The following GRXCR1 variants were observed in gnomAD, a reference collection of about 807,000 sequenced individuals.
GRXCR1 encodes glutaredoxin domain-containing cysteine-rich protein 1.
In GRXCR1, 27 loss-of-function variants were observed where a neutral mutation model predicts 27.3. The ratio of observed to expected loss-of-function variants is 0.99; its 90% CI spans 0.73 to 1.37. The LOEUF (loss-of-function observed/expected upper bound fraction) is 1.37, where lower values mean the gene tolerates loss of function less well. GRXCR1 is among the 40% of genes most tolerant of loss of function. The pLI, the probability that GRXCR1 is intolerant of heterozygous loss-of-function variation, is 0.00. For synonymous variants in GRXCR1, 122 were observed against 131.1 expected, an observed-to-expected ratio of 0.93 and a Z score of 0.47; for missense variants, 379 against 354.4, an observed-to-expected ratio of 1.07 and a Z score of -0.56.
At chr4:43,005,047 C>T (rs900178466) in intron 2 of GRXCR1, among the ~76,000 whole-genome samples, 2 of 152,052 alleles carry the variant, frequency 1.3e-5, no homozygotes, top group Non-Finnish European at 2.9e-5. Flanking sequence ...TGGTGGGAGG[C>T]AATTGGATCA....
At chr4:42,980,960 G>GTTTT (rs71201822) in intron 2 of GRXCR1, among the ~76,000 whole-genome samples, 1 of 143,554 alleles carries the variant, frequency 7.0e-6, no homozygotes. Flanking sequence ...TTTTTTTTGT[G>GTTTT]TTTTTTTTTT....
rs146217766 is a variant in GRXCR1, at chr4:42,962,554, G to A, written c.385-338G>A. The stretch of plus-strand genomic sequence containing the variant: ...ACTTTAGGTTTATGAAACAGATATC[G>A]TAATTGAGCAATGTCTATGAAACAT... On this transcript the variant is annotated intron_variant, in intron 1 of 3. Transcript: ENST00000399770. Among the ~76,000 whole-genome samples, 216 of 151,990 alleles carry A rather than the reference G, an allele frequency of 1.4e-3. 1 individual carries two copies. The highest frequency in any genetic ancestry group is 5.0e-3 in the African/African-American group (207 of 41,494).
chr4:42,896,793 AAATG>A (rs1233306256), intron 1 of GRXCR1, among the ~76,000 whole-genome samples: 2 of 152,286 alleles, frequency 1.3e-5, no homozygotes, highest in African/African-American at 4.8e-5. Flanking sequence ...TTAATAAAGA[AAATG>A]AATGAGATAT....
intron 1 of GRXCR1, among the ~76,000 whole-genome samples, chr4:42,934,369 A>T (rs1406768514): frequency 6.6e-6 from 1 of 151,714 alleles, no homozygotes; most frequent in African/African-American, 2.4e-5. Context: ...TAATAAGAAA[A>T]TAGAAATTCA....
chr4:43,003,249 C>T (rs71610043), intron 2 of GRXCR1, among the ~76,000 whole-genome samples: 8,385 of 152,012 alleles, frequency 0.055, 413 homozygotes, highest in African/African-American at 0.14. Flanking sequence ...CATATGTATA[C>T]GTATGTAACA....
intron 1 of GRXCR1, among the ~76,000 whole-genome samples, chr4:42,920,918 TTCAAG>T (rs1422411410): frequency 2.6e-5 from 2 of 78,316 alleles, no homozygotes; most frequent in Admixed American, 1.1e-4. Context: ...GCGGCTATCA[TTCAAG>T]TTCAAGTTTG....
intron 1 of GRXCR1, among the ~76,000 whole-genome samples, chr4:42,900,890 T>C (rs1746445683): frequency 6.6e-6 from 1 of 152,116 alleles, no homozygotes; most frequent in Non-Finnish European, 1.5e-5. Flanking sequence ...AACTAATCCA[T>C]GCCACAGGGC....
At chr4:43,026,136 A>T (rs781330390) in intron 3 of GRXCR1, among the ~76,000 whole-genome samples, 8 of 152,088 alleles carry the variant, frequency 5.3e-5, no homozygotes, top group Middle Eastern at 3.4e-3. Context: ...TATTCCTCCA[A>T]CTCCAAACTT....
At chr4:42,989,490 A>T (rs1449913644) in intron 2 of GRXCR1, among the ~76,000 whole-genome samples, 1 of 152,194 alleles carries the variant, frequency 6.6e-6, no homozygotes, top group African/African-American at 2.4e-5. Flanking sequence ...ATTTATTTTA[A>T]TTCATACCAG....
chr4:43,005,986 G>T (rs1053888444), intron 2 of GRXCR1, among the ~76,000 whole-genome samples: 1 of 152,210 alleles, frequency 6.6e-6, no homozygotes, highest in African/African-American at 2.4e-5. Flanking sequence ...AATGTGGATT[G>T]TGAAGATTTC....
chr4:42,897,305 T>G (rs1032937300), intron 1 of GRXCR1, among the ~76,000 whole-genome samples: 5 of 152,110 alleles, frequency 3.3e-5, no homozygotes, highest in African/African-American at 1.2e-4. Flanking sequence ...AGACAGCGAT[T>G]TTTTTCTTGA....
intron 2 of GRXCR1, among the ~76,000 whole-genome samples, chr4:42,972,286 T>A (rs765943499): frequency 1.9e-4 from 29 of 152,178 alleles, no homozygotes; most frequent in Non-Finnish European, 3.8e-4. Context: ...CATTAGAAAT[T>A]CCATCAGAGA....
At chr4:42,905,750 A>C (rs1327451357) in intron 1 of GRXCR1, among the ~76,000 whole-genome samples, 2 of 152,178 alleles carry the variant, frequency 1.3e-5, no homozygotes, top group Non-Finnish European at 2.9e-5. Flanking sequence ...AAATTCCAGA[A>C]AATTACCGAT....
intron 1 of GRXCR1, among the ~76,000 whole-genome samples, chr4:42,934,858 A>G (rs1747420680): frequency 6.6e-6 from 1 of 151,978 alleles, no homozygotes; most frequent in Admixed American, 6.6e-5. Context: ...CTTAGCAGCC[A>G]GGACAGAAAT....
chr4:42,934,256 A>ATG (rs1290620532), intron 1 of GRXCR1, among the ~76,000 whole-genome samples: 1 of 148,564 alleles, frequency 6.7e-6, no homozygotes, highest in East Asian at 2.0e-4. Context: ...ATATATATAT[A>ATG]TGTATATATG....
chr4:42,903,514 A>G (rs958861574), intron 1 of GRXCR1, among the ~76,000 whole-genome samples: 3 of 146,664 alleles, frequency 2.0e-5, no homozygotes, highest in Non-Finnish European at 3.0e-5. Context: ...GGGTTTAACC[A>G]TGTTAGCCAG....
intron 2 of GRXCR1, among the ~76,000 whole-genome samples, chr4:43,019,193 C>T (rs1477176412): frequency 2.6e-5 from 4 of 152,186 alleles, no homozygotes; most frequent in Non-Finnish European, 5.9e-5. Context: ...TTTTCCTCCT[C>T]TTGTGATTTC....
At chr4:42,905,951 T>C (rs1309651686) in intron 1 of GRXCR1, among the ~76,000 whole-genome samples, 4 of 152,134 alleles carry the variant, frequency 2.6e-5, no homozygotes, top group Non-Finnish European at 5.9e-5. Context: ...TGATATTAAT[T>C]TTTCTTGTAT....
At chr4:42,920,648 C>T (rs1427688086) in intron 1 of GRXCR1, among the ~76,000 whole-genome samples, 1 of 152,090 alleles carries the variant, frequency 6.6e-6, no homozygotes, top group Admixed American at 6.6e-5. Context: ...AGATGGATAA[C>T]TCTTGCAGGG....
Sources: allele counts gnomAD v4.1 joint callset (sites outside exome capture counted in the v4.1 genomes callset), GRCh38; gene constraint gnomAD v4.1.1; transcripts MANE v1.5; gene names NCBI Gene and HGNC (gene_info 2026-07-23, HGNC 2026-07-21).